Variants in FAM184A observed in about 807,000 individuals in gnomAD.
The protein encoded by FAM184A is protein FAM184A.
Under a neutral mutation model 143.8 loss-of-function variants are expected in FAM184A, and 99 were observed. The observed-to-expected ratio is 0.69, with a 90% CI of 0.58 to 0.81. The LOEUF is 0.81. Among genes scored for constraint, FAM184A ranks in the 40% least tolerant of loss-of-function variants. The pLI, the probability that FAM184A is intolerant of heterozygous loss-of-function variation, is 0.00. For synonymous variants in FAM184A, 427 were observed against 446.4 expected (o/e 0.96, Z 0.55); for missense variants, 1,217 against 1,310.5 (o/e 0.93, Z 1.10).
At chr6:119,075,346 A>AT (rs1233837172) in intron 1 of FAM184A, among the ~76,000 whole-genome samples, 1 of 152,192 alleles carries the variant, frequency 6.6e-6, no homozygotes, top group Non-Finnish European at 1.5e-5. Context: ...ATTAATACTC[A>AT]TATTGGTATA....
At chr6:119,143,682 T>G (rs1772321174) in intron 1 of FAM184A, among the ~76,000 whole-genome samples, 1 of 152,178 alleles carries the variant, frequency 6.6e-6, no homozygotes, top group African/African-American at 2.4e-5. Flanking sequence ...CTTTAGGACA[T>G]GACGCTAAGT....
chr6:119,109,333 G>C (rs957206109), intron 1 of FAM184A, among the ~76,000 whole-genome samples: 1 of 152,190 alleles, frequency 6.6e-6, no homozygotes, highest in Non-Finnish European at 1.5e-5. Context: ...TAGAGTCACA[G>C]ATTTAGACCT....
At chr6:119,116,183 A>G (rs892043096) in intron 1 of FAM184A, among the ~76,000 whole-genome samples, 2 of 152,156 alleles carry the variant, frequency 1.3e-5, no homozygotes, top group Non-Finnish European at 2.9e-5. Context: ...AGGTGGGGGC[A>G]GAAGGGGAAA....
chr6:119,031,779 G>A (rs1436771467), intron 1 of FAM184A, among the ~76,000 whole-genome samples: 2 of 152,134 alleles, frequency 1.3e-5, no homozygotes, highest in African/African-American at 2.4e-5. Context: ...ACATTGCTAA[G>A]GTAAGGGAAT....
At chr6:119,083,732 A>G (rs1490065752) in intron 1 of FAM184A, among the ~76,000 whole-genome samples, 1 of 152,158 alleles carries the variant, frequency 6.6e-6, no homozygotes, top group Non-Finnish European at 1.5e-5. Context: ...TATCACTATC[A>G]GCATTTTGGT....
chr6:119,069,411 T>G (rs370893921), intron 1 of FAM184A, among the ~76,000 whole-genome samples: 63 of 152,272 alleles, frequency 4.1e-4, no homozygotes, highest in Middle Eastern at 6.8e-3. Context: ...GAAATGAGAA[T>G]CTTTAAAACT....
chr6:119,042,625 G>T (rs1032940718), intron 1 of FAM184A, among the ~76,000 whole-genome samples: 1 of 152,128 alleles, frequency 6.6e-6, no homozygotes, highest in African/African-American at 2.4e-5. Context: ...TAGGGCAGTG[G>T]AACTATTCTA....
chr6:119,089,048 A>T (rs1394605666), intron 1 of FAM184A, among the ~76,000 whole-genome samples: 1 of 151,598 alleles, frequency 6.6e-6, no homozygotes, highest in African/African-American at 2.4e-5. Context: ...GAATTATTTA[A>T]TATTTTCTAT....
chr6:119,005,898 A>G, intron 7 of FAM184A: 2 of 522,440 alleles, frequency 3.8e-6, no homozygotes, highest in South Asian at 6.5e-5. Flanking sequence ...GCTGTATATG[A>G]GAGTTCTACC....
intron 1 of FAM184A, among the ~76,000 whole-genome samples, chr6:119,113,881 G>T (rs1788994696): frequency 6.6e-6 from 1 of 152,186 alleles, no homozygotes; most frequent in African/African-American, 2.4e-5. Context: ...GGCAGAGGTT[G>T]CGGTGAGCCG....
At chr6:119,088,784 A>G (rs550156188) in intron 1 of FAM184A, among the ~76,000 whole-genome samples, 84 of 152,336 alleles carry the variant, frequency 5.5e-4, no homozygotes, top group Non-Finnish European at 1.1e-3. Context: ...CTGAACTCCA[A>G]TGGAATCAAT....
chr6:118,973,895 T>C (rs1275684690), intron 14 of FAM184A, among the ~76,000 whole-genome samples: 1 of 152,154 alleles, frequency 6.6e-6, no homozygotes, highest in South Asian at 2.1e-4. Context: ...GACAATTAGA[T>C]GCTTCTTGTA....
At chr6:119,006,239 C>T (rs1784913036) in intron 7 of FAM184A, 1 of 750,660 alleles carries the variant, frequency 1.3e-6, no homozygotes, top group Non-Finnish European at 2.4e-6. Flanking sequence ...GTGCCAACAC[C>T]TTGATGTTGG....
At chr6:119,136,613 A>C (rs1323216762) in intron 1 of FAM184A, among the ~76,000 whole-genome samples, 1 of 152,234 alleles carries the variant, frequency 6.6e-6, no homozygotes, top group Non-Finnish European at 1.5e-5. Flanking sequence ...CTGACCAACC[A>C]GGCTTTGGAA....
Position 119,003,522 on chromosome 6 carries a change from A to C in FAM184A, c.1916T>G (p.Ile639Ser), listed in dbSNP as rs765851280. ...GTACCTAAGATTTTCAGTCCACTTA[A>C]TTTCTAAGTCATGGGCCATTTTGTC... ...KVDKMAHDLE[I>S]KWTENLRQEC... is the part of the protein sequence containing the mutation. The change falls in exon 8 of 18, where the codon ATT becomes AGT. Residue 639 changes from isoleucine to serine, a missense_variant. Coordinates refer to ENST00000338891, the MANE Select transcript of FAM184A (RefSeq NM_024581.6). 1 of 1,611,958 alleles carries C rather than the reference A, an allele frequency of 6.2e-7. No individual in the cohort carries two copies. The highest frequency in any genetic ancestry group is 8.5e-7 in the Non-Finnish European group (1 of 1,179,148).
chr6:119,001,270 T>A (rs1784748251), intron 9 of FAM184A, among the ~76,000 whole-genome samples: 2 of 151,250 alleles, frequency 1.3e-5, no homozygotes, highest in Non-Finnish European at 2.9e-5. Context: ...AGTTTCTCTA[T>A]GGCAATGCGT....
chr6:118,994,809 C>T (rs1312739936), intron 9 of FAM184A, among the ~76,000 whole-genome samples: 1 of 152,050 alleles, frequency 6.6e-6, no homozygotes, highest in Non-Finnish European at 1.5e-5. Flanking sequence ...ATAGGAGACA[C>T]CCAGAAGACT....
intron 1 of FAM184A, among the ~76,000 whole-genome samples, chr6:119,041,558 C>G (rs1199979831): frequency 6.6e-6 from 1 of 152,186 alleles, no homozygotes; most frequent in Non-Finnish European, 1.5e-5. Flanking sequence ...TCTTTGGGTC[C>G]CCTCCCTTTG....
intron 1 of FAM184A, among the ~76,000 whole-genome samples, chr6:119,132,131 C>T (rs1231611641): frequency 6.6e-6 from 1 of 152,142 alleles, no homozygotes; most frequent in Non-Finnish European, 1.5e-5. Flanking sequence ...AACATTCCTT[C>T]ATTTGTTTAT....
Sources: allele counts gnomAD v4.1 joint callset (sites outside exome capture counted in the v4.1 genomes callset), GRCh38; gene constraint gnomAD v4.1.1; transcripts MANE v1.5; gene names NCBI Gene and HGNC (gene_info 2026-07-23, HGNC 2026-07-21).